Variants in DGKB observed in about 807,000 individuals in gnomAD.
DGKB encodes the protein diacylglycerol kinase beta.
Under a neutral mutation model 114.3 loss-of-function variants are expected in DGKB, and 67 were observed. The observed-to-expected ratio is 0.59, with a 90% CI of 0.48 to 0.72. DGKB has a LOEUF of 0.72. Among genes scored for constraint, DGKB ranks in the 30% least tolerant of loss-of-function variants. DGKB has a pLI of 0.00. For synonymous variants in DGKB, 398 were observed against 323.1 expected (o/e 1.23, Z -2.49); for missense variants, 907 against 975.2 (o/e 0.93, Z 0.93).
intron 2 of DGKB, among the ~76,000 whole-genome samples, chr7:14,814,935 T>C (rs1354215925): frequency 6.6e-6 from 1 of 152,206 alleles, no homozygotes; most frequent in Non-Finnish European, 1.5e-5. Context: ...GCTCTTTTAT[T>C]CTGGCATTTT....
At chr7:14,946,021 A>C (rs1352342192) in intron 1 of DGKB, among the ~76,000 whole-genome samples, 1 of 151,634 alleles carries the variant, frequency 6.6e-6, no homozygotes, top group Admixed American at 6.6e-5. Context: ...CAGATGTCTC[A>C]AAATGAATAT....
intron 20 of DGKB, among the ~76,000 whole-genome samples, chr7:14,542,278 C>T (rs765136056): frequency 2.6e-4 from 39 of 152,124 alleles, no homozygotes; most frequent in Non-Finnish European, 5.3e-4. Context: ...CCTGTCTCGT[C>T]TTTCCAAAGT....
At chr7:14,737,914 AT>A (rs368428866) in intron 4 of DGKB, among the ~76,000 whole-genome samples, 7 of 151,256 alleles carry the variant, frequency 4.6e-5, no homozygotes, top group African/African-American at 1.7e-4. Context: ...AAAAAAGAAT[AT>A]TGTCAATTCT....
chr7:14,568,305 G>C (rs1311040585), intron 20 of DGKB, among the ~76,000 whole-genome samples: 1 of 152,084 alleles, frequency 6.6e-6, no homozygotes, highest in African/African-American at 2.4e-5. Context: ...CGATAGTTCT[G>C]GCTAAATTGG....
chr7:14,658,975 C>A (rs563183129), intron 13 of DGKB, among the ~76,000 whole-genome samples: 81 of 151,934 alleles, frequency 5.3e-4, no homozygotes, highest in African/African-American at 1.9e-3. Context: ...CACAGGTATA[C>A]ATGTGCCATG....
intron 1 of DGKB, among the ~76,000 whole-genome samples, chr7:14,853,621 C>T (rs1280576684): frequency 2.0e-5 from 3 of 151,526 alleles, no homozygotes; most frequent in Non-Finnish European, 1.5e-5. Context: ...AATTGGGAGG[C>T]CGAGGTGGGC....
intron 12 of DGKB, among the ~76,000 whole-genome samples, chr7:14,675,213 T>G (rs1012915701): frequency 6.6e-6 from 1 of 152,068 alleles, no homozygotes; most frequent in African/African-American, 2.4e-5. Flanking sequence ...AACACGTGAC[T>G]CTGAAGGCCA....
chr7:14,239,028 A>T (rs1165103630), intron 23 of DGKB, among the ~76,000 whole-genome samples: 1 of 152,042 alleles, frequency 6.6e-6, no homozygotes, highest in Non-Finnish European at 1.5e-5. Context: ...GCCCACTCCC[A>T]CTGCCTAACT....
intron 23 of DGKB, among the ~76,000 whole-genome samples, chr7:14,270,570 G>A (rs1798132456): frequency 6.6e-6 from 1 of 152,166 alleles, no homozygotes; most frequent in Non-Finnish European, 1.5e-5. Context: ...GGTAGTACAG[G>A]CAATCTGAGT....
At chr7:14,878,985 T>C (rs911640100) in intron 1 of DGKB, among the ~76,000 whole-genome samples, 2 of 151,752 alleles carry the variant, frequency 1.3e-5, no homozygotes, top group Non-Finnish European at 2.9e-5. Flanking sequence ...AAATAAATTT[T>C]ATAGCTCTAT....
At chr7:14,246,802 TTGTG>T (rs367636225) in intron 23 of DGKB, among the ~76,000 whole-genome samples, 2 of 151,766 alleles carry the variant, frequency 1.3e-5, no homozygotes, top group African/African-American at 2.4e-5. Flanking sequence ...TTGTTACCTT[TTGTG>T]TGTGTGTGTG....
Position 14,689,210 on chromosome 7 carries a change from T to TTTATTTTTA in DGKB, c.712-3849_712-3848insTAAAAATAA, listed in dbSNP as rs1822334113. 7.8e-5 allele frequency among the ~76,000 whole-genome samples: 10 copies of TTTATTTTTA among 127,446 alleles called. No individual in the cohort carries two copies. In the East Asian group the frequency reaches 9.5e-4, roughly 12 times the overall value. 83.6% of individuals were successfully genotyped at this position (127,446 alleles called of 152,430 possible). On this transcript the variant is annotated intron_variant, in intron 9 of 25. Transcript: ENST00000402815. ...CAGAAACTCCTCTTATTTTTTTTTT[T>TTTATTTTTA]TTTTTTTTTTTTTTGAGAGGAGTCT...
At chr7:14,796,289 G>T (rs1189173699) in intron 2 of DGKB, among the ~76,000 whole-genome samples, 1 of 152,100 alleles carries the variant, frequency 6.6e-6, no homozygotes, top group Non-Finnish European at 1.5e-5. Context: ...ACTTGAAGAA[G>T]ATCAATAATT....
At chr7:14,647,579 C>G (rs1394859951) in intron 13 of DGKB, among the ~76,000 whole-genome samples, 1 of 152,072 alleles carries the variant, frequency 6.6e-6, no homozygotes, top group Non-Finnish European at 1.5e-5. Flanking sequence ...TAAAAATCCT[C>G]TACCAAATAA....
Position 14,583,151 on chromosome 7 carries a change from A to G in DGKB, c.1434-14T>C. The G allele has an allele frequency of 6.6e-7, 1 of 1,526,230 alleles. No homozygotes were observed. The highest frequency in any genetic ancestry group is 2.3e-5 in the East Asian group (1 of 44,268). 94.5% of individuals were successfully genotyped at this position (1,526,230 alleles called of 1,614,324 possible). ...AAAAAGTTTAACCTGAAAAATAAGC[A>G]TGTTATGGCACATGATTAATAGTTT... On this transcript the variant is annotated splice_polypyrimidine_tract_variant and intron_variant, in intron 17 of 25. Transcript: ENST00000402815.
At chr7:14,501,733 T>C (rs1786215860) in intron 20 of DGKB, among the ~76,000 whole-genome samples, 2 of 151,956 alleles carry the variant, frequency 1.3e-5, no homozygotes, top group Non-Finnish European at 1.5e-5. Context: ...GGAGTGTCTA[T>C]TGCCATTATC....
intron 1 of DGKB, among the ~76,000 whole-genome samples, chr7:14,878,290 C>T (rs1225764443): frequency 6.6e-6 from 1 of 152,128 alleles, no homozygotes; most frequent in Non-Finnish European, 1.5e-5. Flanking sequence ...TTTTTACTGA[C>T]GGCTTTATCT....
At chr7:14,683,978 A>G (rs1352481928) in intron 10 of DGKB, among the ~76,000 whole-genome samples, 1 of 152,138 alleles carries the variant, frequency 6.6e-6, no homozygotes, top group Non-Finnish European at 1.5e-5. Context: ...TCTTGTTAAC[A>G]GACTGTACCA....
intron 2 of DGKB, among the ~76,000 whole-genome samples, chr7:14,819,943 G>T (rs1421587381): frequency 6.6e-6 from 1 of 152,122 alleles, no homozygotes; most frequent in Non-Finnish European, 1.5e-5. Flanking sequence ...ATTCAGAGAG[G>T]TTTTTTAACA....
Sources: allele counts gnomAD v4.1 joint callset (sites outside exome capture counted in the v4.1 genomes callset), GRCh38; gene constraint gnomAD v4.1.1; transcripts MANE v1.5; gene names NCBI Gene and HGNC (gene_info 2026-07-23, HGNC 2026-07-21).